The following FAXDC2 variants were observed in gnomAD, a reference collection of about 807,000 sequenced individuals.
The protein encoded by FAXDC2 is fatty acid hydroxylase domain-containing protein 2.
FAXDC2 carries 41 observed loss-of-function variants against 40.9 expected under a neutral mutation model. The ratio of observed to expected loss-of-function variants is 1.00; its 90% CI spans 0.78 to 1.30. The LOEUF (loss-of-function observed/expected upper bound fraction) is 1.30. FAXDC2 is among the 50% of genes most tolerant of loss of function. FAXDC2 has a pLI of 0.00. For missense variants in FAXDC2, 390 were observed against 408.8 expected (o/e 0.95, Z 0.40); for synonymous variants, 157 against 149.3 (o/e 1.05, Z -0.38).
chr5:154,834,430 T>G (rs1180352094), intron 4 of FAXDC2, among the ~76,000 whole-genome samples, 195 bp downstream of exon 4: 2 of 152,246 alleles, frequency 1.3e-5, no homozygotes, highest in Non-Finnish European at 2.9e-5. Flanking sequence ...CTTCTCAGCT[T>G]CTTTTTTTAG....
rs1759912897 is a variant in FAXDC2 at position 154,822,479 on chromosome 5, T to C, written c.671A>G (p.Glu224Gly). The C allele has an allele frequency of 3.7e-6, 6 of 1,611,814 alleles. No homozygotes were observed. Among genetic ancestry groups the C allele is most frequent in the Non-Finnish European group, 5.1e-6 (6 of 1,178,082 alleles). The change falls in exon 7 of 9, where the codon GAG becomes GGG. Residue 224 changes from glutamate to glycine, a missense_variant. By Grantham distance (98) the Glu-to-Gly change is moderately conservative. Coordinates refer to ENST00000326080, the MANE Select transcript of FAXDC2 (RefSeq NM_032385.5). ...GVISLYAHPI[E>G]HAVSNMLPVI... ...GCATAGAGCTCTACTCACTGCATGC[T>C]CTATAGGGTGGGCATAGAGAGAGAT...
intron 8 of FAXDC2, 43 bp from the exon 9 acceptor site, chr5:154,820,515 T>C: frequency 6.5e-7 from 1 of 1,535,714 alleles, no homozygotes; most frequent in Non-Finnish European, 8.8e-7. Flanking sequence ...TGCTGGAGGC[T>C]TCCGTGCAGA....
At chr5:154,828,333 G>GA (rs1760096400) in intron 5 of FAXDC2, among the ~76,000 whole-genome samples, 1 of 151,760 alleles carries the variant, frequency 6.6e-6, no homozygotes, top group African/African-American at 2.4e-5. Flanking sequence ...TTTTTAGATG[G>GA]AAAAAATTTA....
At chr5:154,824,846 T>C (rs191013914) in intron 5 of FAXDC2, 317 of 308,752 alleles carry the variant, frequency 1.0e-3, no homozygotes, top group Middle Eastern at 9.2e-3. Context: ...CCCAGCACTT[T>C]GGGAGGTGGA....
chr5:154,826,723 A>G (rs1328004065), intron 5 of FAXDC2, among the ~76,000 whole-genome samples: 2 of 152,076 alleles, frequency 1.3e-5, no homozygotes, highest in Non-Finnish European at 2.9e-5. Flanking sequence ...TCTAGGTGTG[A>G]CACCTAATTT....
At chr5:154,824,588 A>G (rs371902092) in intron 5 of FAXDC2, 6 of 702,430 alleles carry the variant, frequency 8.5e-6, no homozygotes, top group Non-Finnish European at 1.6e-5. Flanking sequence ...AGGTGAGGCC[A>G]TTACACCTTC....
At chr5:154,825,644 C>G (rs1760009391) in intron 5 of FAXDC2, among the ~76,000 whole-genome samples, 1 of 5,036 alleles carries the variant, frequency 2.0e-4, no homozygotes, top group Non-Finnish European at 6.6e-4. Flanking sequence ...GAGTGAGACT[C>G]CGTCTCAAAA....
intron 8 of FAXDC2, 74 bp downstream of exon 8, chr5:154,821,186 C>T (rs2113117479): frequency 1.6e-6 from 2 of 1,224,712 alleles, no homozygotes; most frequent in Non-Finnish European, 2.4e-6. Flanking sequence ...GATACCAGTG[C>T]CTGCTATCAG....
chr5:154,834,585 T>C (rs752964484), intron 4 of FAXDC2, 40 bp downstream of exon 4: 5 of 1,280,204 alleles, frequency 3.9e-6, no homozygotes, highest in African/African-American at 1.5e-5. Flanking sequence ...GTTATAATCA[T>C]GCACCCACAT....
chr5:154,838,114 A>G lies in FAXDC2; in HGVS notation c.48+17T>C, dbSNP rs2113158400. 6.4e-7 allele frequency: 1 copy of G among 1,565,822 alleles called. No homozygotes were observed. The highest frequency in any genetic ancestry group is 8.8e-7 in the Non-Finnish European group (1 of 1,136,402). On this transcript the variant is annotated intron_variant, in intron 2 of 8. Coordinates refer to ENST00000326080, the MANE Select transcript of FAXDC2 (RefSeq NM_032385.5). The stretch of plus-strand genomic sequence containing the variant: ...ACTACATTCTCACCAGTTTGGGGGC[A>G]AGGTGCTGGCATTTACCTGCTTTGA...
In FAXDC2 at chr5:154,819,627, C is replaced by G. The variant is rs1184469409; in HGVS notation, c.*689G>C. 1 of 152,166 alleles carries G rather than the reference C, an allele frequency of 6.6e-6. No individual in the cohort carries two copies. The highest frequency in any genetic ancestry group is 1.5e-5 in the Non-Finnish European group (1 of 68,040). The allele number at this position is 152,166 out of a possible 1,614,324, so 9.4% of individuals were successfully genotyped here. A position where few individuals can be genotyped will look rare whatever the true frequency, so the allele number is the denominator to read the frequency against. On this transcript the variant is annotated 3_prime_UTR_variant, in exon 9 of 9. Transcript: ENST00000326080. ...TGGTCTGCACCTCGTTGGTTTTAATCCAGGGAGGAGCTCCTGGATTTCTTT... is the reference window on the plus strand; with the variant it reads ...TGGTCTGCACCTCGTTGGTTTTAATGCAGGGAGGAGCTCCTGGATTTCTTT...
intron 5 of FAXDC2, among the ~76,000 whole-genome samples, chr5:154,828,384 A>G (rs191934806): frequency 1.3e-5 from 2 of 152,206 alleles, no homozygotes; most frequent in African/African-American, 4.8e-5. Context: ...TGAGAGAAAG[A>G]GAAGGAAAAG....
chr5:154,820,978 A>G (rs1759872961), intron 8 of FAXDC2: 2 of 375,078 alleles, frequency 5.3e-6, no homozygotes, highest in Non-Finnish European at 9.9e-6. Context: ...GATTGCCTGC[A>G]GGAGTTTTAT....
rs70981952 is a variant in FAXDC2, at chr5:154,825,058, T to TAAAA, written c.367-1470_367-1467dup. Among the ~76,000 whole-genome samples the TAAAA allele has an allele frequency of 3.0e-4, 27 of 90,130 alleles. 1 individual carries two copies. The highest frequency in any genetic ancestry group is 1.2e-3 in the African/African-American group (27 of 22,406). The allele number at this position is 90,130 out of a possible 152,430, so 59.1% of individuals were successfully genotyped here. A position where few individuals can be genotyped will look rare whatever the true frequency, so the allele number is the denominator to read the frequency against. ...GTGAGAGAGTGAGACCCAATCTTGT[T>TAAAA]AAAAAAAAAAAAAAAAAAAAAAAGG... On this transcript the variant is annotated intron_variant, in intron 5 of 8. Transcript: ENST00000326080.
chr5:154,830,715 T>A, intron 5 of FAXDC2, 86 bp downstream of exon 5: 1 of 1,513,020 alleles, frequency 6.6e-7, no homozygotes, highest in Non-Finnish European at 9.1e-7. Context: ...TGGCCAGGTC[T>A]CTCCTGGGCC....
rs1258866967 is a variant in FAXDC2, at chr5:154,820,017, C to T, written c.*299G>A. 1.2e-5 allele frequency: 3 copies of T among 250,908 alleles called. No individual in the cohort carries two copies. The highest frequency in any genetic ancestry group is 6.9e-5 in the African/African-American group (3 of 43,770). 15.5% of individuals were successfully genotyped at this position (250,908 alleles called of 1,614,324 possible). A position where few individuals can be genotyped will look rare whatever the true frequency, so the allele number is the denominator to read the frequency against. ...CAAAGGAGTTATCTGGGGCTGAACCCCTCTCCTTCCACAGCAGAGGACCAG... is the reference window on the plus strand; with the variant it reads ...CAAAGGAGTTATCTGGGGCTGAACCTCTCTCCTTCCACAGCAGAGGACCAG... On this transcript the variant is annotated 3_prime_UTR_variant, in exon 9 of 9. Transcript: ENST00000326080.
intron 2 of FAXDC2, among the ~76,000 whole-genome samples, chr5:154,835,525 C>T (rs1293043135): frequency 6.6e-6 from 1 of 152,228 alleles, no homozygotes; most frequent in African/African-American, 2.4e-5. Context: ...TCTTCCATCC[C>T]TACCCTCCTC....
At chr5:154,833,903 C>T (rs1760255035) in intron 4 of FAXDC2, among the ~76,000 whole-genome samples, 2 of 149,770 alleles carry the variant, frequency 1.3e-5, no homozygotes, top group Non-Finnish European at 1.5e-5. Context: ...CTCCTGACCT[C>T]GTGATCCACC....
intron 2 of FAXDC2, 199 bp from the exon 3 acceptor site, chr5:154,835,133 T>G: frequency 1.9e-6 from 1 of 526,834 alleles, no homozygotes; most frequent in South Asian, 2.5e-5. Flanking sequence ...TACATGGGTG[T>G]GTTTATGAAA....
Sources: gnomAD v4.1 joint callset for allele counts (sites outside exome capture counted in the v4.1 genomes callset) on GRCh38, gnomAD v4.1.1 for gene constraint, MANE v1.5 for transcripts, NCBI Gene and HGNC (gene_info 2026-07-23, HGNC 2026-07-21) for gene names.